The following RDH16 variants were observed in gnomAD, a reference collection of about 807,000 sequenced individuals.
RDH16 encodes retinol dehydrogenase 16.
Under a neutral mutation model 22.3 loss-of-function variants are expected in RDH16, and 25 were observed. That is an observed-to-expected ratio of 1.12 (90% CI 0.82 to 1.56). RDH16 has a LOEUF of 1.56. RDH16 is among the 40% of genes most tolerant of loss of function. RDH16 has a pLI of 0.00. For synonymous variants in RDH16, 154 were observed against 164.4 expected (o/e 0.94, Z 0.48); for missense variants, 413 against 394.9 (o/e 1.05, Z -0.39).
Position 56,952,138 on chromosome 12 carries a change from G to A in RDH16, c.845C>T (p.Ser282Leu), listed in dbSNP as rs918497141. The A allele has an allele frequency of 3.1e-6, 5 of 1,614,058 alleles. No homozygotes were observed. Among genetic ancestry groups the A allele is most frequent in the Non-Finnish European group, 4.2e-6 (5 of 1,180,038 alleles). Reference protein sequence around the residue: ...LIACHPRTRYSAGWDAKLLYL... With the variant: ...LIACHPRTRYLAGWDAKLLYL... ...GAGAAGCTTGGCATCCCAGCCAGCT[G>A]AGTAGCGAGTACGGGGGTGGCAGGC... Residue 282 changes from serine (S) to leucine (L), a missense_variant, in exon 4 of 4, where the codon TCA (serine) becomes TTA (leucine). By Grantham distance (145) the Ser-to-Leu change is moderately radical. Transcript: ENST00000398138.
chr12:56,952,180 A>C lies in RDH16; in HGVS notation c.803T>G (p.Met268Arg). 2.5e-6 allele frequency: 4 copies of C among 1,614,178 alleles called. No homozygotes were observed. Among genetic ancestry groups the C allele is most frequent in the Non-Finnish European group, 3.4e-6 (4 of 1,180,036 alleles). ...GTGGCAGGCAATCAGCGCATGCTCC[A>C]TGCAGTTGGTCACCAACGACAGATC... ...TQDLSLVTNC[M>R]EHALIACHPR... Residue 268 changes from methionine to arginine, a missense_variant, in exon 4 of 4, where the codon ATG becomes AGG. Physicochemically the swap from Met to Arg is moderately conservative, Grantham distance 91. Coordinates refer to ENST00000398138, the MANE Select transcript of RDH16 (RefSeq NM_003708.5).
chr12:56,956,103 C>G (rs1284032070), intron 1 of RDH16, among the ~76,000 whole-genome samples: 2 of 152,158 alleles, frequency 1.3e-5, no homozygotes, highest in Non-Finnish European at 2.9e-5. Context: ...GTCCCCTGCT[C>G]AATAACAGGC....
chr12:56,951,792 C>T lies in RDH16; in HGVS notation c.*237G>A, dbSNP rs1955881193. On this transcript the variant is annotated 3_prime_UTR_variant, in exon 4 of 4. Coordinates refer to ENST00000398138, the MANE Select transcript of RDH16 (RefSeq NM_003708.5). ...AGTGGCCACCCACGGTGACAATGCA[C>T]CCAGGAGCACTATTTGGTCCCTGTT... 1.8e-6 allele frequency: 1 copy of T among 554,690 alleles called. No homozygotes were observed. Among genetic ancestry groups the T allele is most frequent in the South Asian group, 2.1e-5 (1 of 47,122 alleles). The allele number at this position is 554,690 out of a possible 1,614,324, so 34.4% of individuals were successfully genotyped here. A position where few individuals can be genotyped will look rare whatever the true frequency, so the allele number is the denominator to read the frequency against.
At position 56,957,154 on chromosome 12, in the gene RDH16, GTCTCTCACGCAC is replaced by G. The variant is rs1955935847; in HGVS notation, c.297_308del (p.Glu99_Arg102del). ...TTGACAAACCTGGGTGGTTACCTTT[GTCTCTCACGCAC>G]TCCTTCACCCACTGGGCGGCTGCAG... On this transcript the variant is annotated inframe_deletion, in exon 1 of 4. Coordinates refer to ENST00000398138, the MANE Select transcript of RDH16 (RefSeq NM_003708.5). The G allele has an allele frequency of 5.0e-6, 8 of 1,606,264 alleles. No homozygotes were observed. The highest frequency in any genetic ancestry group is 6.8e-6 in the Non-Finnish European group (8 of 1,174,116).
At position 56,957,264 on chromosome 12, in the gene RDH16, C is replaced by T. The variant is rs748725495; in HGVS notation, c.199G>A (p.Glu67Lys). 10 of 1,614,058 alleles carry T rather than the reference C, an allele frequency of 6.2e-6. No homozygotes were observed. The highest frequency in any genetic ancestry group is 1.1e-5 in the South Asian group (1 of 91,080). Reference sequence around the variant, plus strand: ...TCTGAAGTCTGGCCCCTCAGCTGCTCGGCTCCTTTCTCCGTCAGACATGCA... The same window carrying T: ...TCTGAAGTCTGGCCCCTCAGCTGCTTGGCTCCTTTCTCCGTCAGACATGCA... ...LAACLTEKGA[E>K]QLRGQTSDRL... is the part of the protein sequence containing the mutation. The change falls in exon 1 of 4, where the codon GAG becomes AAG. Residue 67 changes from glutamate (E) to lysine (K), a missense_variant. Glu to Lys is a moderately conservative substitution (Grantham distance 56). Transcript: ENST00000398138.
At chr12:56,954,241 A>G (rs1372432378) in intron 2 of RDH16, among the ~76,000 whole-genome samples, 1 of 152,134 alleles carries the variant, frequency 6.6e-6, no homozygotes, top group African/African-American at 2.4e-5. Flanking sequence ...CCGCGGCCCT[A>G]AGGCATGCCC....
intron 1 of RDH16, 100 bp downstream of exon 1, chr12:56,957,050 C>G: frequency 1.6e-6 from 2 of 1,228,120 alleles, no homozygotes; most frequent in East Asian, 2.3e-5. Context: ...TTACTTCAAC[C>G]TGGAAAGACA....
chr12:56,954,422 G>T (rs962966549), intron 2 of RDH16, among the ~76,000 whole-genome samples: 4 of 152,156 alleles, frequency 2.6e-5, no homozygotes, highest in African/African-American at 9.7e-5. Context: ...CCTTCTCTAG[G>T]GTGCAAAGCA....
intron 1 of RDH16, 68 bp downstream of exon 1, chr12:56,957,082 G>A: frequency 6.2e-6 from 9 of 1,444,166 alleles, no homozygotes; most frequent in Middle Eastern, 1.8e-4. Context: ...TTCCCAGGGA[G>A]CAGACAGGAG....
chr12:56,952,772 C>A (rs1179536100), intron 3 of RDH16, 55 bp downstream of exon 3: 4 of 1,569,830 alleles, frequency 2.5e-6, no homozygotes, highest in Non-Finnish European at 3.5e-6. Context: ...CAATGGTAGA[C>A]CAAGGATTCC....
chr12:56,952,787 G>A (rs373373587), intron 3 of RDH16, 40 bp downstream of exon 3: 16 of 1,589,162 alleles, frequency 1.0e-5, no homozygotes, highest in South Asian at 1.1e-5. Flanking sequence ...GATTCCACAC[G>A]AGGGTTTGCT....
At position 56,953,009 on chromosome 12, in the gene RDH16, G is replaced by A; in HGVS notation, c.573-19C>T. The A allele has an allele frequency of 6.3e-7, 1 of 1,589,740 alleles. No homozygotes were observed. Among genetic ancestry groups the A allele is most frequent in the Non-Finnish European group, 8.6e-7 (1 of 1,169,244 alleles). ...TTCCCTCCTGCAAGACAGAGAAGCAGAGGGGAAAAACTTCGGGGGTCTTGG... is the reference window on the plus strand; with the variant it reads ...TTCCCTCCTGCAAGACAGAGAAGCAAAGGGGAAAAACTTCGGGGGTCTTGG... On this transcript the variant is annotated intron_variant, in intron 2 of 3. Coordinates refer to ENST00000398138, the MANE Select transcript of RDH16 (RefSeq NM_003708.5).
chr12:56,952,408 C>T (rs972357020), intron 3 of RDH16, among the ~76,000 whole-genome samples, 162 bp from the exon 4 acceptor site: 1 of 152,178 alleles, frequency 6.6e-6, no homozygotes, highest in Non-Finnish European at 1.5e-5. Flanking sequence ...AGCTGGAGCC[C>T]ATCCATGTGA....
intron 1 of RDH16, 102 bp from the exon 2 acceptor site, chr12:56,955,266 C>A: frequency 7.1e-7 from 1 of 1,399,476 alleles, no homozygotes. Flanking sequence ...GGCAGACTGA[C>A]AGGTGTGGGA....
rs200026161 is a variant in RDH16 at position 56,957,188 on chromosome 12, G to A, written c.275C>T (p.Ala92Val). Residue 92 changes from alanine (A) to valine (V), a missense_variant, in exon 1 of 4, where the codon GCA (alanine) becomes GTA (valine). Physicochemically the swap from Ala to Val is moderately conservative, Grantham distance 64. Coordinates refer to ENST00000398138, the MANE Select transcript of RDH16 (RefSeq NM_003708.5). ...LDVTKTESVA[A>V]AAQWVKECVR... Reference sequence around the variant, plus strand: ...GCACTCCTTCACCCACTGGGCGGCTGCAGCAACGCTCTCTGTCTTGGTAAC... The same window carrying A: ...GCACTCCTTCACCCACTGGGCGGCTACAGCAACGCTCTCTGTCTTGGTAAC... 237 of 1,613,552 alleles carry A rather than the reference G, an allele frequency of 1.5e-4. 1 individual carries two copies. In the East Asian group the frequency reaches 2.9e-3, roughly 20 times the overall value.
chr12:56,956,440 A>G (rs1462409962), intron 1 of RDH16, among the ~76,000 whole-genome samples: 8 of 152,202 alleles, frequency 5.3e-5, no homozygotes, highest in Non-Finnish European at 1.5e-5. Context: ...ATAATTGTAA[A>G]AAGGACTTAT....
In RDH16 at chr12:56,957,311, G is replaced by T. The variant is rs1219504518; in HGVS notation, c.152C>A (p.Ala51Glu). The change falls in exon 1 of 4, where the codon GCA (alanine) becomes GAA (glutamate). Residue 51 changes from alanine to glutamate, a missense_variant. Physicochemically the swap from Ala to Glu is moderately radical, Grantham distance 107. Coordinates refer to ENST00000398138, the MANE Select transcript of RDH16 (RefSeq NM_003708.5). ...TGCAGCCAGCACCCGCAAGCCTCGTGCATCCAGCTGTCTGGCCAGCAGTTT... is the reference window on the plus strand; with the variant it reads ...TGCAGCCAGCACCCGCAAGCCTCGTTCATCCAGCTGTCTGGCCAGCAGTTT... ...FGKLLARQLD[A>E]RGLRVLAACL... The T allele has an allele frequency of 6.2e-7, 1 of 1,614,192 alleles. No individual in the cohort carries two copies. The highest frequency in any genetic ancestry group is 2.2e-5 in the East Asian group (1 of 44,882).
Position 56,952,968 on chromosome 12 carries a change from C to T in RDH16, c.595G>A (p.Val199Met), listed in dbSNP as rs552742274. 8 of 1,610,662 alleles carry T rather than the reference C, an allele frequency of 5.0e-6. No individual in the cohort carries two copies. The Admixed American group carries it at 5.1e-5, about 10-fold the overall frequency. Residue 199 changes from valine to methionine, a missense_variant, in exon 3 of 4, where the codon GTG (valine) becomes ATG (methionine). By Grantham distance (21) the Val-to-Met change is conservative (BLOSUM62 1). Transcript: ENST00000398138. ...CCAGGTTCAATCATAGCCACCTTCA[C>T]CCCAAAGTAGGAGAGTTCCCTCCTG... ...SLRRELSYFGVKVAMIEPGYF... is the reference protein window; with the variant it reads ...SLRRELSYFGMKVAMIEPGYF...
At chr12:56,952,787 G>T in intron 3 of RDH16, 40 bp downstream of exon 3, 1 of 1,589,162 alleles carries the variant, frequency 6.3e-7, no homozygotes. Context: ...GATTCCACAC[G>T]AGGGTTTGCT....
Sources: allele counts gnomAD v4.1 joint callset (sites outside exome capture counted in the v4.1 genomes callset), GRCh38; gene constraint gnomAD v4.1.1; transcripts MANE v1.5; gene names NCBI Gene and HGNC (gene_info 2026-07-23, HGNC 2026-07-21).